PRDM15: variants seen among roughly 807,000 people sequenced by gnomAD.
PRDM15 encodes PR domain zinc finger protein 15.
Under a neutral mutation model 128.6 loss-of-function variants are expected in PRDM15, and 64 were observed. That is an observed-to-expected ratio of 0.50 (90% confidence interval 0.41 to 0.61). The LOEUF (loss-of-function observed/expected upper bound fraction) is 0.61, where lower values mean the gene tolerates loss of function less well. Among genes scored for constraint, PRDM15 ranks in the 20% least tolerant of loss-of-function variants. PRDM15 has a pLI of 0.00. For missense variants in PRDM15, 1,242 were observed against 1,569.1 expected, an observed-to-expected ratio of 0.79 and a Z score of 3.52; for synonymous variants, 615 against 621.8, an observed-to-expected ratio of 0.99 and a Z score of 0.16.
intron 11 of PRDM15, among the ~76,000 whole-genome samples, chr21:41,830,424 A>ATC (rs1313485058): frequency 1.3e-5 from 2 of 151,642 alleles, no homozygotes; most frequent in Non-Finnish European, 1.5e-5. Context: ...ACAATCACAT[A>ATC]TCACACACAC....
At chr21:41,845,347 C>G (rs530387444) in intron 6 of PRDM15, among the ~76,000 whole-genome samples, 1 of 145,900 alleles carries the variant, frequency 6.9e-6, no homozygotes, top group East Asian at 2.1e-4. Flanking sequence ...AGCCCCTCCC[C>G]GTTCACAGGC....
chr21:41,871,515 G>C (rs374855659), intron 1 of PRDM15: 2 of 1,606,556 alleles, frequency 1.2e-6, no homozygotes, highest in African/African-American at 2.7e-5. Context: ...GCAGGATTGC[G>C]TCGCAGGCCT....
rs377371732 is a variant in PRDM15 at position 41,859,522 on chromosome 21, A to G, written c.131+70T>C. Reference sequence around the variant, plus strand: ...CAGGCTCCTTCCTCCCCGTCTGCAGACCCAAAGGCCACTAGGCTCCTGCCG... The same window carrying G: ...CAGGCTCCTTCCTCCCCGTCTGCAGGCCCAAAGGCCACTAGGCTCCTGCCG... On this transcript the variant is annotated intron_variant, in intron 3 of 23. Coordinates refer to ENST00000398548, the MANE Select transcript of PRDM15 (RefSeq NM_001040424.3). This position sits in a 1 kb window ranked among gnomAD's most constrained non-coding sequence, Gnocchi z 5.3. The G allele has an allele frequency of 2.6e-5, 33 of 1,282,542 alleles. 2 individuals carry two copies. The highest frequency in any genetic ancestry group is 1.2e-4 in the East Asian group (5 of 41,790). 79.4% of individuals were successfully genotyped at this position (1,282,542 alleles called of 1,614,324 possible).
chr21:41,830,988 G>A (rs932552978), intron 11 of PRDM15, among the ~76,000 whole-genome samples: 4 of 152,188 alleles, frequency 2.6e-5, no homozygotes, highest in East Asian at 3.9e-4. Context: ...AGTTGACGGC[G>A]ACCCCGGGGC....
chr21:41,830,655 ATAC>A (rs1308674676), intron 11 of PRDM15, among the ~76,000 whole-genome samples: 1 of 151,528 alleles, frequency 6.6e-6, no homozygotes, highest in African/African-American at 2.4e-5. Context: ...CACCACACAA[ATAC>A]TAAACACACA....
Position 41,879,267 on chromosome 21 carries a change from T to C in PRDM15, c.-10+3A>G. ...GCGGCGGGCGCAGGGCCCGGAGCTT[T>C]ACCTGCCTTTGGAATGTGCAGAGCG... On this transcript the variant is annotated splice_donor_region_variant and intron_variant, in intron 1 of 23. Coordinates refer to ENST00000398548, the MANE Select transcript of PRDM15 (RefSeq NM_001040424.3). The surrounding 1 kb of genome is among the most constrained non-coding windows in gnomAD (Gnocchi z 5.1). 9.7e-7 allele frequency: 1 copy of C among 1,032,736 alleles called. No homozygotes were observed. The highest frequency in any genetic ancestry group is 1.2e-6 in the Non-Finnish European group (1 of 849,712). 64.0% of individuals were successfully genotyped at this position (1,032,736 alleles called of 1,614,324 possible).
intron 6 of PRDM15, 137 bp downstream of exon 6, chr21:41,846,953 C>T (rs767482580): frequency 1.8e-5 from 11 of 624,576 alleles, no homozygotes; most frequent in East Asian, 2.9e-5. Flanking sequence ...TTGGTTCTGG[C>T]GACTACATTG....
chr21:41,867,221 G>A, intron 1 of PRDM15: 1 of 1,044,850 alleles, frequency 9.6e-7, no homozygotes, highest in East Asian at 2.4e-5. Context: ...GCCACTCAGG[G>A]GCCTCTGCTG....
chr21:41,804,217 G>GCCTC (rs1409788381), intron 22 of PRDM15, among the ~76,000 whole-genome samples: 11 of 152,180 alleles, frequency 7.2e-5, no homozygotes, highest in Non-Finnish European at 1.6e-4. Context: ...GCCCGCCTTG[G>GCCTC]CCTCCCAAAT....
At chr21:41,874,067 CG>C (rs1241557512) in intron 1 of PRDM15, among the ~76,000 whole-genome samples, 10 of 112,834 alleles carry the variant, frequency 8.9e-5, no homozygotes, top group Non-Finnish European at 1.5e-4. Context: ...GACTCTGTCT[CG>C]GGAAAAAAAA....
chr21:41,800,935 T>G lies in PRDM15; in HGVS notation c.*305A>C. On this transcript the variant is annotated 3_prime_UTR_variant, in exon 24 of 24. Transcript: ENST00000398548. Reference sequence around the variant, plus strand: ...CTCAGCTTCACTTTCCCGAACCCTGTGTCGGGCGAACACTGGTTCTGTAAG... The same window carrying G: ...CTCAGCTTCACTTTCCCGAACCCTGGGTCGGGCGAACACTGGTTCTGTAAG... The G allele has an allele frequency of 3.0e-6, 1 of 331,444 alleles. No homozygotes were observed. Among genetic ancestry groups the G allele is most frequent in the East Asian group, 4.8e-5 (1 of 20,646 alleles). The allele number at this position is 331,444 out of a possible 1,614,324, so 20.5% of individuals were successfully genotyped here.
Position 41,832,312 on chromosome 21 carries a change from C to G in PRDM15, c.1366+3125G>C, listed in dbSNP as rs1482058380. ...GCCACACCTTACAGCGCTGTGGCAT[C>G]AGATTGCCACAGGCCACACCTTACA... is the stretch of plus-strand genomic sequence containing the variant. On this transcript the variant is annotated intron_variant, in intron 11 of 23. Transcript: ENST00000398548. This position sits in a 1 kb window ranked among gnomAD's most constrained non-coding sequence, Gnocchi z 4.2. Among the ~76,000 whole-genome samples, 1 of 152,148 alleles carries G rather than the reference C, an allele frequency of 6.6e-6. No individual in the cohort carries two copies. The highest frequency in any genetic ancestry group is 1.9e-4 in the East Asian group (1 of 5,190).
chr21:41,810,468 G>A lies in PRDM15; in HGVS notation c.2477-139C>T. 1.1e-6 allele frequency: 1 copy of A among 947,376 alleles called. No individual in the cohort carries two copies. The highest frequency in any genetic ancestry group is 1.6e-6 in the Non-Finnish European group (1 of 634,770). 58.7% of individuals were successfully genotyped at this position (947,376 alleles called of 1,614,324 possible). A position where few individuals can be genotyped will look rare whatever the true frequency, so the allele number is the denominator to read the frequency against. ...CCCCGCCCATCCTGAGAGGGCCGGT[G>A]CTGGTCCCCGAGCACACATGAGCAC... On this transcript the variant is annotated intron_variant, in intron 20 of 23. Transcript: ENST00000398548. The surrounding 1 kb of genome is among the most constrained non-coding windows in gnomAD (Gnocchi z 6.4).
intron 1 of PRDM15, among the ~76,000 whole-genome samples, chr21:41,875,210 C>T (rs1389780525): frequency 6.6e-6 from 1 of 152,248 alleles, no homozygotes; most frequent in East Asian, 1.9e-4. Context: ...CACCTCCCCT[C>T]CAGAGCCTCC....
chr21:41,805,403 C>A (rs73373486), intron 21 of PRDM15, among the ~76,000 whole-genome samples: 5,895 of 152,218 alleles, frequency 0.039, 366 homozygotes, highest in African/African-American at 0.13. Context: ...CTTTAAATTT[C>A]TGATCAACTA....
At chr21:41,843,809 C>T (rs1002321939) in intron 6 of PRDM15, among the ~76,000 whole-genome samples, 3 of 152,186 alleles carry the variant, frequency 2.0e-5, no homozygotes, top group Admixed American at 2.0e-4. Context: ...TACAATTAGA[C>T]CTGTTGACAT....
At position 41,857,170 on chromosome 21, in the gene PRDM15, C is replaced by CT. The variant is rs3833355; in HGVS notation, c.285+5dup. The CT allele has an allele frequency of 0.26, 423,832 of 1,610,322 alleles. 57,506 individuals carry two copies. Among genetic ancestry groups the CT allele is most frequent in the Non-Finnish European group, 0.28 (331,919 of 1,177,494 alleles). ...TCCTGAGCTCCTGTTTGGCAACAGC[C>CT]TTTACCTTCAGGGGAAATGCAGACT... On this transcript the variant is annotated splice_donor_region_variant and intron_variant, in intron 4 of 23. Transcript: ENST00000398548.
intron 21 of PRDM15, among the ~76,000 whole-genome samples, chr21:41,808,516 C>T (rs939739201): frequency 1.3e-5 from 2 of 152,192 alleles, no homozygotes; most frequent in South Asian, 2.1e-4. Flanking sequence ...CTGAGGCAGA[C>T]GGTGCTTTCC....
rs73359695 is a variant in PRDM15 at position 41,836,783 on chromosome 21, G to A, written c.1002-134C>T. ...CTGTATGCGAGAAAGGAGGGAATGCGCCCGGGCGTCACTCCCAGCTTCCAG... is the reference window on the plus strand; with the variant it reads ...CTGTATGCGAGAAAGGAGGGAATGCACCCGGGCGTCACTCCCAGCTTCCAG... On this transcript the variant is annotated intron_variant, in intron 8 of 23. Transcript: ENST00000398548. 0.011 allele frequency: 7,451 copies of A among 669,814 alleles called. 390 individuals are homozygous for A. In the African/African-American group the frequency reaches 0.12, roughly 10 times the overall value. 41.5% of individuals were successfully genotyped at this position (669,814 alleles called of 1,614,324 possible).
Sources: gnomAD v4.1 joint callset for allele counts (sites outside exome capture counted in the v4.1 genomes callset) on GRCh38, gnomAD v4.1.1 for gene constraint, Gnocchi (gnomAD v3.1) non-coding constraint, MANE v1.5 for transcripts, NCBI Gene and HGNC (gene_info 2026-07-23, HGNC 2026-07-21) for gene names.